The following MFHAS1 variants were observed in gnomAD, a reference collection of about 807,000 sequenced individuals.
MFHAS1 encodes malignant fibrous histiocytoma-amplified sequence 1.
A neutral mutation model predicts 70.4 loss-of-function variants in MFHAS1; 50 were observed. That is an observed-to-expected ratio of 0.71 (90% CI 0.57 to 0.90). The LOEUF (loss-of-function observed/expected upper bound fraction) is 0.90, where lower values mean the gene tolerates loss of function less well. Among genes scored for constraint, MFHAS1 ranks in the 40% least tolerant of loss-of-function variants. The pLI is 0.00. For synonymous variants in MFHAS1, 952 were observed against 620.0 expected (o/e 1.54, Z -7.96); for missense variants, 1,795 against 1,347.6 (o/e 1.33, Z -5.20).
intron 1 of MFHAS1, among the ~76,000 whole-genome samples, chr8:8,824,709 C>T (rs570264786): frequency 6.6e-6 from 1 of 152,280 alleles, no homozygotes; most frequent in East Asian, 1.9e-4. Flanking sequence ...CATTTGTAGT[C>T]CAGATGGGTT....
At chr8:8,851,065 C>T (rs999588918) in intron 1 of MFHAS1, among the ~76,000 whole-genome samples, 2 of 152,138 alleles carry the variant, frequency 1.3e-5, no homozygotes, top group East Asian at 3.8e-4. Context: ...CATAGGGTCA[C>T]GTATATAAGC....
At chr8:8,846,077 A>T (rs563671270) in intron 1 of MFHAS1, among the ~76,000 whole-genome samples, 24 of 151,670 alleles carry the variant, frequency 1.6e-4, no homozygotes, top group Non-Finnish European at 2.9e-4. Flanking sequence ...ACATGGCGAA[A>T]CCCTGTCTCT....
At chr8:8,833,190 C>G (rs1203396878) in intron 1 of MFHAS1, among the ~76,000 whole-genome samples, 1 of 152,150 alleles carries the variant, frequency 6.6e-6, no homozygotes, top group African/African-American at 2.4e-5. Context: ...TTAGAGACCA[C>G]CCCCTGATCC....
intron 1 of MFHAS1, among the ~76,000 whole-genome samples, chr8:8,868,123 C>T (rs920246589): frequency 5.9e-5 from 9 of 152,020 alleles, no homozygotes; most frequent in South Asian, 2.1e-4. Context: ...AAGTTCCCAA[C>T]GCACAGGCTC....
chr8:8,862,041 A>G (rs1808686305), intron 1 of MFHAS1, among the ~76,000 whole-genome samples: 1 of 152,208 alleles, frequency 6.6e-6, no homozygotes, highest in Non-Finnish European at 1.5e-5. Flanking sequence ...CCTTGGGTGA[A>G]TTAACTCAGA....
chr8:8,866,718 T>C (rs1007888771), intron 1 of MFHAS1, among the ~76,000 whole-genome samples: 4 of 152,174 alleles, frequency 2.6e-5, no homozygotes, highest in Non-Finnish European at 5.9e-5. Flanking sequence ...TCATAAACAG[T>C]GATTGACTCA....
chr8:8,823,814 G>C (rs1434832355), intron 1 of MFHAS1, among the ~76,000 whole-genome samples: 1 of 143,520 alleles, frequency 7.0e-6, no homozygotes, highest in Non-Finnish European at 1.5e-5. Context: ...TGGGGGCTGA[G>C]AAAAGAAAGA....
At chr8:8,815,683 C>G (rs200801355) in intron 1 of MFHAS1, among the ~76,000 whole-genome samples, 2 of 152,104 alleles carry the variant, frequency 1.3e-5, no homozygotes, top group East Asian at 3.9e-4. Context: ...GAAAAACACT[C>G]AGCATAATCA....
intron 1 of MFHAS1, among the ~76,000 whole-genome samples, chr8:8,889,243 A>G (rs1343897397): frequency 6.6e-6 from 1 of 152,200 alleles, no homozygotes; most frequent in Non-Finnish European, 1.5e-5. Flanking sequence ...TAAGACGTCT[A>G]TAAAACTCGA....
chr8:8,880,482 T>C (rs1028180125), intron 1 of MFHAS1, among the ~76,000 whole-genome samples: 15 of 152,152 alleles, frequency 9.9e-5, no homozygotes, highest in African/African-American at 3.1e-4. Flanking sequence ...CTTGACTCAT[T>C]AAGCCACATC....
chr8:8,803,906 A>G (rs1585024070), intron 1 of MFHAS1, among the ~76,000 whole-genome samples: 1 of 152,108 alleles, frequency 6.6e-6, no homozygotes, highest in Non-Finnish European at 1.5e-5. Context: ...CAGGAGGCAG[A>G]GGTTTCAGTA....
At chr8:8,877,315 A>C (rs114024988) in intron 1 of MFHAS1, among the ~76,000 whole-genome samples, 4,810 of 150,824 alleles carry the variant, frequency 0.032, 311 homozygotes, top group African/African-American at 0.11. Flanking sequence ...AAAAAAAAAA[A>C]AAAAACTACG....
chr8:8,888,548 T>C (rs559771363), intron 1 of MFHAS1, among the ~76,000 whole-genome samples: 3 of 151,574 alleles, frequency 2.0e-5, no homozygotes, highest in Non-Finnish European at 4.4e-5. Flanking sequence ...ACAAAAACAG[T>C]TGTTTAAAGA....
intron 1 of MFHAS1, among the ~76,000 whole-genome samples, chr8:8,855,746 C>T (rs1020630293): frequency 6.6e-6 from 1 of 152,116 alleles, no homozygotes; most frequent in African/African-American, 2.4e-5. Context: ...ATCCCAGCTA[C>T]TTGGGAGGCT....
At chr8:8,788,123 ATG>A (rs1393440004) in intron 2 of MFHAS1, among the ~76,000 whole-genome samples, 1 of 152,182 alleles carries the variant, frequency 6.6e-6, no homozygotes, top group Non-Finnish European at 1.5e-5. Flanking sequence ...GGCAGGTACC[ATG>A]TTTCAATTAT....
chr8:8,807,970 G>C (rs1422107439), intron 1 of MFHAS1, among the ~76,000 whole-genome samples: 1 of 152,214 alleles, frequency 6.6e-6, no homozygotes. Context: ...ATCAATCTGG[G>C]TCTGAAAATA....
intron 1 of MFHAS1, among the ~76,000 whole-genome samples, chr8:8,834,583 C>G (rs1807530560): frequency 6.6e-6 from 1 of 152,184 alleles, no homozygotes; most frequent in Non-Finnish European, 1.5e-5. Context: ...GCACAGGTTT[C>G]TATTCTAGGA....
intron 1 of MFHAS1, among the ~76,000 whole-genome samples, chr8:8,841,426 C>A (rs1300598282): frequency 6.6e-6 from 1 of 151,954 alleles, no homozygotes; most frequent in Non-Finnish European, 1.5e-5. Flanking sequence ...CGGGAATGCA[C>A]CACTGCACTA....
At chr8:8,851,211 T>C (rs1450547232) in intron 1 of MFHAS1, among the ~76,000 whole-genome samples, 2 of 152,244 alleles carry the variant, frequency 1.3e-5, no homozygotes, top group African/African-American at 2.4e-5. Flanking sequence ...CACACTTCAT[T>C]TGTCCTACAG....
Sources: gnomAD v4.1 joint callset for allele counts (sites outside exome capture counted in the v4.1 genomes callset) on GRCh38, gnomAD v4.1.1 for gene constraint, MANE v1.5 for transcripts, NCBI Gene and HGNC (gene_info 2026-07-23, HGNC 2026-07-21) for gene names.